The following TMEM117 variants were observed in gnomAD, a reference collection of about 807,000 sequenced individuals.
The protein encoded by TMEM117 is transmembrane protein 117.
Under a neutral mutation model 52.4 loss-of-function variants are expected in TMEM117, and 27 were observed. That is an observed-to-expected ratio of 0.51 (90% confidence interval 0.38 to 0.71). TMEM117 has a LOEUF of 0.71. TMEM117 is among the 30% of genes least tolerant of loss of function. The pLI is 0.00. For synonymous variants in TMEM117, 215 were observed against 206.3 expected, an observed-to-expected ratio of 1.04 and a Z score of -0.36; for missense variants, 556 against 630.5, an observed-to-expected ratio of 0.88 and a Z score of 1.26.
At chr12:44,070,280 C>G (rs1227770288) in intron 3 of TMEM117, among the ~76,000 whole-genome samples, 1 of 152,146 alleles carries the variant, frequency 6.6e-6, no homozygotes, top group African/African-American at 2.4e-5. Context: ...AGGATGGCTG[C>G]TGCAGCTCCA....
At chr12:43,964,047 CAACA>C (rs1272330736) in intron 3 of TMEM117, among the ~76,000 whole-genome samples, 1 of 152,142 alleles carries the variant, frequency 6.6e-6, no homozygotes, top group Admixed American at 6.5e-5. Flanking sequence ...TGGTCTGAAA[CAACA>C]AAGTTTATTT....
intron 6 of TMEM117, among the ~76,000 whole-genome samples, chr12:44,376,033 C>G (rs1365925624): frequency 2.0e-5 from 3 of 152,148 alleles, no homozygotes; most frequent in African/African-American, 7.2e-5. Context: ...TTATTTGGCT[C>G]AAACTGATGC....
In TMEM117 at chr12:44,093,133, C is replaced by T. The variant is rs80088575; in HGVS notation, c.411-50392C>T. On this transcript the variant is annotated intron_variant, in intron 3 of 7. Coordinates refer to ENST00000266534, the MANE Select transcript of TMEM117 (RefSeq NM_032256.3). The stretch of plus-strand genomic sequence containing the variant: ...GTAATACTCCGAATCCGTAAGAACG[C>T]TAATTGGGCTTGGAGTTATATTAGG... 9.4e-3 allele frequency among the ~76,000 whole-genome samples: 1,432 copies of T among 152,146 alleles called. 14 individuals carry two copies. The highest frequency in any genetic ancestry group is 0.014 in the Non-Finnish European group (986 of 68,008).
intron 2 of TMEM117, among the ~76,000 whole-genome samples, chr12:43,853,119 C>G (rs1263740244): frequency 1.3e-5 from 2 of 152,170 alleles, no homozygotes; most frequent in African/African-American, 4.8e-5. Context: ...TCTGATTTCC[C>G]AGCTATACCC....
At chr12:43,825,620 T>A in the TMEM117 span, among the ~76,000 whole-genome samples, 3 of 151,534 alleles carry the variant, frequency 2.0e-5, no homozygotes, top group African/African-American at 7.3e-5. Flanking sequence ...AAATATTATG[T>A]GATTATATTA....
the TMEM117 span, among the ~76,000 whole-genome samples, chr12:43,821,462 A>G: frequency 6.6e-6 from 1 of 152,094 alleles, no homozygotes; most frequent in Admixed American, 6.6e-5. Flanking sequence ...TGTATTTTTT[A>G]TAGAAACAGA....
chr12:43,848,681 A>G lies in TMEM117; in HGVS notation c.277+3753A>G, dbSNP rs116482042. On this transcript the variant is annotated intron_variant, in intron 2 of 7. Coordinates refer to ENST00000266534, the MANE Select transcript of TMEM117 (RefSeq NM_032256.3). ...ACAATCAATTTGTACAGTTAACGCA[A>G]TGATCACAGTGGTCCTGAGGTGACA... 7.6e-3 allele frequency among the ~76,000 whole-genome samples: 1,153 copies of G among 152,320 alleles called. 23 individuals carry two copies. The highest frequency in any genetic ancestry group is 0.026 in the African/African-American group (1,076 of 41,566).
chr12:43,833,004 G>C (rs2137328434), upstream of TMEM117, among the ~76,000 whole-genome samples: 1 of 152,302 alleles, frequency 6.6e-6, no homozygotes, highest in South Asian at 2.1e-4. Flanking sequence ...GGAGATCATG[G>C]CTGGCTACCA....
At chr12:44,195,664 A>G (rs888170189) in intron 4 of TMEM117, among the ~76,000 whole-genome samples, 6 of 152,288 alleles carry the variant, frequency 3.9e-5, no homozygotes, top group African/African-American at 1.4e-4. Flanking sequence ...TTGACAGGAA[A>G]CAAAGCATTT....
intron 3 of TMEM117, among the ~76,000 whole-genome samples, chr12:44,078,420 G>A (rs1565818591): frequency 1.3e-5 from 2 of 152,188 alleles, no homozygotes; most frequent in Non-Finnish European, 2.9e-5. Context: ...GCTGTCCCCA[G>A]CTGGATACAG....
At chr12:44,196,515 A>C (rs191432223) in intron 4 of TMEM117, among the ~76,000 whole-genome samples, 12 of 152,322 alleles carry the variant, frequency 7.9e-5, no homozygotes, top group African/African-American at 2.6e-4. Flanking sequence ...ATTACATCGG[A>C]TATATTAACA....
At chr12:43,996,152 A>T (rs1446499845) in intron 3 of TMEM117, among the ~76,000 whole-genome samples, 1 of 152,236 alleles carries the variant, frequency 6.6e-6, no homozygotes, top group Non-Finnish European at 1.5e-5. Flanking sequence ...CAAGTAAAAC[A>T]TTTAGAAAAA....
chr12:43,900,131 C>G (rs1022053604), intron 2 of TMEM117, among the ~76,000 whole-genome samples: 3 of 152,212 alleles, frequency 2.0e-5, no homozygotes, highest in African/African-American at 2.4e-5. Flanking sequence ...TAAAAATCTA[C>G]TGGTGGGATT....
At chr12:43,907,947 C>A (rs1190223741) in intron 2 of TMEM117, among the ~76,000 whole-genome samples, 2 of 86,638 alleles carry the variant, frequency 2.3e-5, no homozygotes, top group African/African-American at 5.6e-5. Flanking sequence ...GGAGAACTTC[C>A]CCAATCTAGC....
chr12:43,923,509 CAAT>C (rs1304705496), intron 2 of TMEM117, among the ~76,000 whole-genome samples: 1 of 152,124 alleles, frequency 6.6e-6, no homozygotes, highest in African/African-American at 2.4e-5. Context: ...TAGTGTGTTA[CAAT>C]GAGTCAGTAT....
At chr12:43,825,437 C>G in the TMEM117 span, among the ~76,000 whole-genome samples, 1 of 152,126 alleles carries the variant, frequency 6.6e-6, no homozygotes, top group South Asian at 2.1e-4. Context: ...CCACAGGGCC[C>G]TATCCATAAG....
At chr12:44,311,879 ATATATG>A (rs1950992968) in intron 6 of TMEM117, among the ~76,000 whole-genome samples, 33 of 123,690 alleles carry the variant, frequency 2.7e-4, no homozygotes, top group Admixed American at 4.0e-4. Flanking sequence ...ATATATATGT[ATATATG>A]TATATATATG....
chr12:43,848,882 A>T (rs935069256), intron 2 of TMEM117, among the ~76,000 whole-genome samples: 1 of 152,200 alleles, frequency 6.6e-6, no homozygotes, highest in Non-Finnish European at 1.5e-5. Flanking sequence ...ACTTCCTGTA[A>T]CAGTCTGGGA....
intron 3 of TMEM117, among the ~76,000 whole-genome samples, chr12:43,977,994 AG>A (rs1215380040): frequency 1.3e-5 from 2 of 152,228 alleles, no homozygotes; most frequent in African/African-American, 4.8e-5. Context: ...AAAACTGATT[AG>A]GTTCTAGTCC....
Sources: allele counts gnomAD v4.1 joint callset (sites outside exome capture counted in the v4.1 genomes callset), GRCh38; gene constraint gnomAD v4.1.1; transcripts MANE v1.5; gene names NCBI Gene and HGNC (gene_info 2026-07-23, HGNC 2026-07-21).